CHD9: variants seen among roughly 807,000 people sequenced by gnomAD.
CHD9 encodes the protein chromodomain helicase DNA binding protein 9.
In CHD9, 77 loss-of-function variants were observed where a neutral mutation model predicts 316.1. That is an observed-to-expected ratio of 0.24 (90% CI 0.20 to 0.29). The LOEUF is 0.29. Ranked by LOEUF, CHD9 falls within the 10% of genes least tolerant of loss-of-function variation. The pLI is 1.00. For synonymous variants in CHD9, 1,129 were observed against 1,158.3 expected (o/e 0.97, Z 0.51); for missense variants, 2,763 against 3,438.1 (o/e 0.80, Z 4.91).
At chr16:53,197,660 C>CTT (rs140745645) in intron 2 of CHD9, among the ~76,000 whole-genome samples, 39 of 142,800 alleles carry the variant, frequency 2.7e-4, no homozygotes, top group Non-Finnish European at 3.1e-4. Flanking sequence ...AATATTCTAG[C>CTT]TTTTTTTTTT....
chr16:53,290,843 C>G (rs1001331079), intron 27 of CHD9, among the ~76,000 whole-genome samples: 2 of 152,074 alleles, frequency 1.3e-5, no homozygotes, highest in Admixed American at 1.3e-4. Context: ...CAATAACCAC[C>G]ACAGTGGAAT....
chr16:53,197,156 T>G (rs1289031903), intron 2 of CHD9, among the ~76,000 whole-genome samples: 1 of 152,168 alleles, frequency 6.6e-6, no homozygotes, highest in Non-Finnish European at 1.5e-5. Flanking sequence ...AGAAAGGTTA[T>G]GGAATTTGGC....
Position 53,248,423 on chromosome 16 carries a change from T to C in CHD9, c.3665+920T>C, listed in dbSNP as rs959071808. On this transcript the variant is annotated intron_variant, in intron 16 of 38. Coordinates refer to ENST00000447540, the MANE Select transcript of CHD9 (RefSeq NM_001308319.2). ...ATTTTATCAGACCATTAGGATTCCA[T>C]CTGATAGTAACATATTAATGTAAAA... 3.0e-4 allele frequency among the ~76,000 whole-genome samples: 45 copies of C among 151,826 alleles called. 1 individual carries two copies. Among genetic ancestry groups the C allele is most frequent in the African/African-American group, 1.1e-3 (44 of 41,400 alleles).
At chr16:53,099,381 G>A (rs1350204359) in intron 1 of CHD9, 1 of 152,408 alleles carries the variant, frequency 6.6e-6, no homozygotes, top group Non-Finnish European at 1.5e-5. Flanking sequence ...TAGGGGCCTG[G>A]GTCGATGGAG....
At chr16:53,227,102 G>T (rs2047725162) in intron 5 of CHD9, 1 of 236,446 alleles carries the variant, frequency 4.2e-6, no homozygotes, top group Admixed American at 6.2e-5. Context: ...CTGTAAAATG[G>T]AAATGATAAT....
intron 34 of CHD9, among the ~76,000 whole-genome samples, chr16:53,313,506 A>G (rs1868666427): frequency 6.6e-6 from 1 of 151,960 alleles, no homozygotes. Flanking sequence ...TGTTTTTGCC[A>G]TGTTGGCCAG....
At chr16:53,153,612 T>C (rs2041286926) in intron 1 of CHD9, among the ~76,000 whole-genome samples, 1 of 152,182 alleles carries the variant, frequency 6.6e-6, no homozygotes, top group Non-Finnish European at 1.5e-5. Flanking sequence ...CACTGCAGCC[T>C]CAATCTCTCA....
chr16:53,098,994 A>C (rs904114496), intron 1 of CHD9, among the ~76,000 whole-genome samples: 2 of 152,240 alleles, frequency 1.3e-5, no homozygotes, highest in African/African-American at 4.8e-5. Context: ...GTCTGTCTCC[A>C]GCCTGGCTCT....
In CHD9 at chr16:53,146,419, G is replaced by GTGTATA. The variant is rs1555492145; in HGVS notation, c.-164-9506_-164-9505insGTATAT. On this transcript the variant is annotated intron_variant, in intron 1 of 38. Coordinates refer to ENST00000447540, the MANE Select transcript of CHD9 (RefSeq NM_001308319.2). ...AAAAAAAAATTGTGTGTGTGTGTAT[G>GTGTATA]TATATATATATATATATAATTAAAA... Among the ~76,000 whole-genome samples the GTGTATA allele has an allele frequency of 2.2e-4, 17 of 76,704 alleles. 2 individuals are homozygous for GTGTATA. Among genetic ancestry groups the GTGTATA allele is most frequent in the African/African-American group, 8.9e-4 (15 of 16,904 alleles). 50.3% of individuals were successfully genotyped at this position (76,704 alleles called of 152,430 possible).
intron 2 of CHD9, among the ~76,000 whole-genome samples, chr16:53,171,861 GACACACACACACACACACACAC>G (rs750572537): frequency 4.7e-4 from 59 of 124,944 alleles, no homozygotes; most frequent in South Asian, 1.0e-3. Context: ...CACACACACA[GACACACACACACACACACACAC>G]ACACACACAC....
chr16:53,096,809 T>G (rs371505906), intron 1 of CHD9, among the ~76,000 whole-genome samples: 2 of 152,168 alleles, frequency 1.3e-5, no homozygotes, highest in South Asian at 4.1e-4. Context: ...ACAGCCTTCT[T>G]GCTTGAGGGG....
At position 53,157,379 on chromosome 16, in the gene CHD9, C is replaced by T. The variant is rs747504453; in HGVS notation, c.1290C>T (p.His430=). 4.3e-5 allele frequency: 69 copies of T among 1,613,886 alleles called. No homozygotes were observed. Among genetic ancestry groups the T allele is most frequent in the Non-Finnish European group, 5.5e-5 (65 of 1,179,884 alleles). The change falls in exon 2 of 39, where the codon CAC becomes CAT. Residue 430 remains histidine (H), a synonymous_variant. Transcript: ENST00000447540. The stretch of plus-strand genomic sequence containing the variant: ...CATTCGGACAAGATAATTCAAGTCA[C>T]ATTTTAGATCATGACCTTGATCGGC... The part of the protein sequence containing the change: ...ESTFGQDNSS[H]ILDHDLDRQF...
intron 2 of CHD9, among the ~76,000 whole-genome samples, chr16:53,194,262 G>C (rs1291069421): frequency 6.6e-6 from 1 of 151,636 alleles, no homozygotes; most frequent in Non-Finnish European, 1.5e-5. Context: ...ACTGAACTTA[G>C]TTCAGCATCA....
chr16:53,241,669 T>G (rs982854371), intron 12 of CHD9, among the ~76,000 whole-genome samples: 1 of 152,218 alleles, frequency 6.6e-6, no homozygotes, highest in Non-Finnish European at 1.5e-5. Context: ...TCTATCTCAC[T>G]CCATACTTAT....
At chr16:53,273,546 AT>A (rs1166317432) in intron 22 of CHD9, 79 bp from the exon 23 acceptor site, 2 of 1,075,204 alleles carry the variant, frequency 1.9e-6, no homozygotes, top group East Asian at 5.2e-5. Context: ...GTCTCCAGAA[AT>A]TTCTTGCATT....
intron 11 of CHD9, among the ~76,000 whole-genome samples, chr16:53,236,387 C>T (rs2048622297): frequency 6.6e-6 from 1 of 152,072 alleles, no homozygotes; most frequent in South Asian, 2.1e-4. Context: ...TCTTCATCCA[C>T]AGTTATTCTT....
chr16:53,200,666 G>A (rs556372268), intron 2 of CHD9, among the ~76,000 whole-genome samples: 2 of 152,152 alleles, frequency 1.3e-5, no homozygotes, highest in Non-Finnish European at 2.9e-5. Context: ...AAGAATCAAT[G>A]AATGCTAGAA....
intron 2 of CHD9, among the ~76,000 whole-genome samples, chr16:53,191,720 G>T (rs1314635242): frequency 1.3e-5 from 2 of 152,062 alleles, no homozygotes; most frequent in Non-Finnish European, 2.9e-5. Flanking sequence ...TATGAGTAAT[G>T]CCTCTAAGAA....
chr16:53,164,976 G>A (rs762181669), intron 2 of CHD9, among the ~76,000 whole-genome samples: 7 of 151,970 alleles, frequency 4.6e-5, no homozygotes, highest in African/African-American at 7.3e-5. Context: ...TTTTTTATAA[G>A]ATTATGTGTA....
Sources: gnomAD v4.1 joint callset for allele counts (sites outside exome capture counted in the v4.1 genomes callset) on GRCh38, gnomAD v4.1.1 for gene constraint, MANE v1.5 for transcripts, NCBI Gene and HGNC (gene_info 2026-07-23, HGNC 2026-07-21) for gene names.